The following KLF12 variants were observed in gnomAD, a reference collection of about 807,000 sequenced individuals.
KLF12 encodes KLF transcription factor 12, also known as Krueppel-like factor 12.
KLF12 carries 9 observed loss-of-function variants against 37.8 expected under a neutral mutation model. The observed-to-expected ratio is 0.24, with a 90% confidence interval of 0.14 to 0.42. The LOEUF is 0.42. Ranked by LOEUF, KLF12 falls within the 10% of genes least tolerant of loss-of-function variation. The pLI is 1.00. For synonymous variants in KLF12, 208 were observed against 202.1 expected, an observed-to-expected ratio of 1.03 and a Z score of -0.25; for missense variants, 411 against 516.0, an observed-to-expected ratio of 0.80 and a Z score of 1.97.
chr13:73,864,104 G>A (rs1341164028), intron 3 of KLF12, among the ~76,000 whole-genome samples: 1 of 151,958 alleles, frequency 6.6e-6, no homozygotes, highest in African/African-American at 2.4e-5. Context: ...AGATAACTGG[G>A]GAGTTAAAAA....
At chr13:74,093,447 C>T (rs1875793625) in intron 1 of KLF12, among the ~76,000 whole-genome samples, 1 of 151,980 alleles carries the variant, frequency 6.6e-6, no homozygotes, top group Non-Finnish European at 1.5e-5. Context: ...CACATCCACT[C>T]AAAATAATAT....
chr13:74,238,014 T>C, the KLF12 span, among the ~76,000 whole-genome samples: 3 of 149,098 alleles, frequency 2.0e-5, no homozygotes, highest in East Asian at 5.8e-4. Context: ...CCCTGCCTTG[T>C]GCCAGTTTTC....
At chr13:73,992,721 G>A (rs1436973705) in intron 2 of KLF12, among the ~76,000 whole-genome samples, 1 of 152,162 alleles carries the variant, frequency 6.6e-6, no homozygotes, top group Non-Finnish European at 1.5e-5. Context: ...AGCTTCCACT[G>A]CTGACATTTT....
chr13:74,242,745 A>T, the KLF12 span, among the ~76,000 whole-genome samples: 1 of 152,288 alleles, frequency 6.6e-6, no homozygotes, highest in Non-Finnish European at 1.5e-5. Flanking sequence ...TACTGGGGAT[A>T]CAAGGGGAAA....
chr13:73,839,530 A>G (rs1445187891), intron 4 of KLF12, among the ~76,000 whole-genome samples: 1 of 152,152 alleles, frequency 6.6e-6, no homozygotes, highest in East Asian at 1.9e-4. Context: ...TATCCTGCAC[A>G]TTCCACTAAA....
upstream of KLF12, among the ~76,000 whole-genome samples, chr13:74,136,314 C>CT (rs1326139682): frequency 6.6e-6 from 1 of 152,114 alleles, no homozygotes; most frequent in Non-Finnish European, 1.5e-5. Flanking sequence ...GATCCTGGGC[C>CT]TAGGGTAAAC....
chr13:73,906,262 T>C (rs1888289370), intron 3 of KLF12, among the ~76,000 whole-genome samples: 1 of 152,236 alleles, frequency 6.6e-6, no homozygotes, highest in Non-Finnish European at 1.5e-5. Flanking sequence ...AATTTGCATG[T>C]TTTATTAGTT....
At chr13:73,869,415 T>A (rs561749580) in intron 3 of KLF12, among the ~76,000 whole-genome samples, 2 of 152,272 alleles carry the variant, frequency 1.3e-5, no homozygotes, top group East Asian at 1.9e-4. Context: ...TAAGTTTATA[T>A]GATTGTTAGT....
chr13:74,110,549 T>C (rs1167901003), intron 1 of KLF12, among the ~76,000 whole-genome samples: 1 of 152,212 alleles, frequency 6.6e-6, no homozygotes, highest in East Asian at 1.9e-4. Flanking sequence ...CTACAGAGTT[T>C]TTCTGTAACC....
chr13:73,898,522 T>TA (rs1761053667), intron 3 of KLF12, among the ~76,000 whole-genome samples: 1 of 152,080 alleles, frequency 6.6e-6, no homozygotes, highest in South Asian at 2.1e-4. Flanking sequence ...CTCTCCTACT[T>TA]ACAACCTTCA....
At chr13:74,070,544 G>C (rs116554535) in intron 1 of KLF12, among the ~76,000 whole-genome samples, 1,957 of 152,306 alleles carry the variant, frequency 0.013, 46 homozygotes, top group African/African-American at 0.045. Context: ...GACCCTGCCA[G>C]CAACAGCCAC....
chr13:74,107,911 T>G (rs1371548774), intron 1 of KLF12, among the ~76,000 whole-genome samples: 4 of 152,206 alleles, frequency 2.6e-5, no homozygotes, highest in African/African-American at 9.7e-5. Context: ...AGCAAAAATA[T>G]TTAGTCTTGA....
intron 5 of KLF12, among the ~76,000 whole-genome samples, chr13:73,794,762 T>C (rs1448261350): frequency 2.6e-5 from 4 of 152,302 alleles, no homozygotes; most frequent in Admixed American, 6.5e-5. Flanking sequence ...ATTCTTTCTT[T>C]AAAGAATATT....
At chr13:74,147,570 C>A in the KLF12 span, among the ~76,000 whole-genome samples, 3 of 152,192 alleles carry the variant, frequency 2.0e-5, no homozygotes, top group African/African-American at 7.2e-5. Flanking sequence ...TTCCAAGGAA[C>A]ATGAGTTTCG....
the KLF12 span, among the ~76,000 whole-genome samples, chr13:74,172,142 G>GACACAC: frequency 0.043 from 6,295 of 145,930 alleles, 182 homozygotes; most frequent in South Asian, 0.073. Context: ...TTTTCCTCAC[G>GACACAC]ACACACACAC....
intron 3 of KLF12, among the ~76,000 whole-genome samples, chr13:73,921,902 T>C (rs1470497208): frequency 6.6e-6 from 1 of 152,198 alleles, no homozygotes; most frequent in East Asian, 1.9e-4. Context: ...ACCACTATTA[T>C]CACACCTAGA....
chr13:74,000,570 T>A (rs1246002054), intron 1 of KLF12, among the ~76,000 whole-genome samples: 1 of 152,208 alleles, frequency 6.6e-6, no homozygotes, highest in Non-Finnish European at 1.5e-5. Context: ...TCTTCACTAC[T>A]TAAAATAGCA....
intron 3 of KLF12, among the ~76,000 whole-genome samples, chr13:73,877,508 G>T (rs1052789290): frequency 3.9e-5 from 6 of 152,082 alleles, no homozygotes; most frequent in Non-Finnish European, 8.8e-5. Context: ...CAGAATTATA[G>T]TGAGTGACCA....
chr13:74,220,899 T>C, the KLF12 span, among the ~76,000 whole-genome samples: 3 of 152,220 alleles, frequency 2.0e-5, no homozygotes, highest in Non-Finnish European at 4.4e-5. Flanking sequence ...AATGTCTTCA[T>C]CAGATGATTT....
Sources: allele counts gnomAD v4.1 joint callset (sites outside exome capture counted in the v4.1 genomes callset), GRCh38; gene constraint gnomAD v4.1.1; transcripts MANE v1.5; gene names NCBI Gene and HGNC (gene_info 2026-07-23, HGNC 2026-07-21).